Variants in LSAMP observed in about 807,000 individuals in gnomAD.
The protein encoded by LSAMP is limbic system-associated membrane protein.
In LSAMP, 7 loss-of-function variants were observed where a neutral mutation model predicts 38.6. The observed-to-expected ratio is 0.18, with a 90% confidence interval of 0.10 to 0.34. The LOEUF is 0.34. Among genes scored for constraint, LSAMP ranks in the 10% least tolerant of loss-of-function variants. The pLI, the probability that LSAMP is intolerant of heterozygous loss-of-function variation, is 1.00. For missense variants in LSAMP, 313 were observed against 420.0 expected (o/e 0.75, Z 2.23); for synonymous variants, 154 against 166.8 (o/e 0.92, Z 0.59).
chr3:115,845,451 C>T (rs146387511), intron 4 of LSAMP, among the ~76,000 whole-genome samples: 26 of 152,232 alleles, frequency 1.7e-4, no homozygotes, highest in African/African-American at 4.8e-5. Flanking sequence ...CTTTGGGACC[C>T]GGGGAAGGAA....
intron 2 of LSAMP, among the ~76,000 whole-genome samples, chr3:116,055,768 G>A (rs1174783912): frequency 6.6e-6 from 1 of 152,176 alleles, no homozygotes; most frequent in Non-Finnish European, 1.5e-5. Flanking sequence ...AATTCCATAT[G>A]CTTTCTTTGT....
At chr3:116,156,713 G>T (rs1399463323) in intron 1 of LSAMP, among the ~76,000 whole-genome samples, 1 of 152,026 alleles carries the variant, frequency 6.6e-6, no homozygotes, top group Non-Finnish European at 1.5e-5. Flanking sequence ...CAGAAGAGAG[G>T]ACCAGTATGA....
intron 1 of LSAMP, among the ~76,000 whole-genome samples, chr3:116,306,069 T>C (rs576006500): frequency 1.3e-5 from 2 of 152,092 alleles, no homozygotes; most frequent in Non-Finnish European, 2.9e-5. Flanking sequence ...ATTCAACAAA[T>C]ATTCATGAAA....
chr3:116,081,902 T>A (rs1707880516), intron 2 of LSAMP, among the ~76,000 whole-genome samples: 1 of 152,114 alleles, frequency 6.6e-6, no homozygotes, highest in Non-Finnish European at 1.5e-5. Flanking sequence ...AAAACAACAT[T>A]AGCCAAATAA....
In LSAMP at chr3:116,330,775, C is replaced by CA. The variant is rs1241562962; in HGVS notation, c.155+114101dup. 2.0e-5 allele frequency among the ~76,000 whole-genome samples: 3 copies of CA among 152,046 alleles called. No homozygotes were observed. In the East Asian group the frequency reaches 5.8e-4, roughly 29 times the overall value. On this transcript the variant is annotated intron_variant, in intron 1 of 6. Coordinates refer to ENST00000490035, the MANE Select transcript of LSAMP (RefSeq NM_002338.5). ...TAAACAATTTTTAAAAACCAATAAA[C>CA]AAAAACATCAAACTAAGTATGGGAA...
intron 6 of LSAMP, among the ~76,000 whole-genome samples, chr3:115,815,135 T>C (rs763471119): frequency 4.6e-5 from 7 of 152,170 alleles, no homozygotes; most frequent in Non-Finnish European, 1.0e-4. Context: ...TACAATAAGA[T>C]GTTCAGAGAG....
intron 3 of LSAMP, among the ~76,000 whole-genome samples, chr3:115,973,761 T>C (rs1464769551): frequency 6.6e-6 from 1 of 152,146 alleles, no homozygotes; most frequent in African/African-American, 2.4e-5. Flanking sequence ...TTATGTTTCA[T>C]ATACACCTTA....
chr3:115,831,785 CT>C (rs1934620949), intron 6 of LSAMP, among the ~76,000 whole-genome samples: 2 of 152,128 alleles, frequency 1.3e-5, no homozygotes, highest in South Asian at 4.1e-4. Context: ...AAGAAAACAC[CT>C]ATCAGAAACA....
intron 1 of LSAMP, among the ~76,000 whole-genome samples, chr3:116,276,928 G>A (rs576675450): frequency 6.6e-6 from 1 of 152,288 alleles, no homozygotes; most frequent in African/African-American, 2.4e-5. Context: ...CAGTATTGCA[G>A]TGCACTCACG....
chr3:116,112,649 A>G (rs1024158518), intron 1 of LSAMP, among the ~76,000 whole-genome samples: 11 of 152,186 alleles, frequency 7.2e-5, no homozygotes, highest in Admixed American at 1.3e-4. Flanking sequence ...GTGCAATTGG[A>G]AAGAGTGGAT....
At chr3:116,094,168 G>T (rs1708177284) in intron 1 of LSAMP, among the ~76,000 whole-genome samples, 1 of 152,144 alleles carries the variant, frequency 6.6e-6, no homozygotes, top group Admixed American at 6.6e-5. Flanking sequence ...TCATTTTGAA[G>T]CATCTTTGCT....
intron 1 of LSAMP, among the ~76,000 whole-genome samples, chr3:116,389,969 G>A (rs2107810982): frequency 6.6e-6 from 1 of 152,222 alleles, no homozygotes; most frequent in South Asian, 2.1e-4. Flanking sequence ...GTTAAACAAA[G>A]GGTGACAGTT....
intron 3 of LSAMP, among the ~76,000 whole-genome samples, chr3:115,923,873 A>G (rs1178608902): frequency 6.6e-6 from 1 of 152,198 alleles, no homozygotes; most frequent in Admixed American, 6.5e-5. Context: ...ATTAGCATTC[A>G]TATAACATTG....
intron 2 of LSAMP, among the ~76,000 whole-genome samples, chr3:116,057,932 T>TACACACACACACACACACAC (rs535645480): frequency 3.7e-5 from 5 of 136,654 alleles, no homozygotes; most frequent in South Asian, 2.3e-4. Context: ...ATATAGTAGC[T>TACACACACACACACACACAC]ACACACACAC....
At position 116,410,798 on chromosome 3, in the gene LSAMP, T is replaced by C. The variant is rs1051983805; in HGVS notation, c.155+34079A>G. On this transcript the variant is annotated intron_variant, in intron 1 of 6. Transcript: ENST00000490035. ...AGAGATGGAATTTTTCAGCTGTCCT[T>C]TCTCTGGTCTAACTTGTACCTCCAA... Among the ~76,000 whole-genome samples, 2 of 152,202 alleles carry C rather than the reference T, an allele frequency of 1.3e-5. 1 individual carries two copies. The highest frequency in any genetic ancestry group is 1.3e-4 in the Admixed American group (2 of 15,284).
chr3:116,427,497 A>G (rs914417269), intron 1 of LSAMP, among the ~76,000 whole-genome samples: 1 of 152,220 alleles, frequency 6.6e-6, no homozygotes, highest in African/African-American at 2.4e-5. Flanking sequence ...CATCAGAGCT[A>G]CAATTAGAAA....
At chr3:116,441,107 A>C (rs2049428652) in intron 1 of LSAMP, among the ~76,000 whole-genome samples, 2 of 152,200 alleles carry the variant, frequency 1.3e-5, no homozygotes. Flanking sequence ...AAAACTAAAC[A>C]TTAGCTATTC....
At chr3:115,899,773 G>A (rs910504821) in intron 3 of LSAMP, among the ~76,000 whole-genome samples, 2 of 152,092 alleles carry the variant, frequency 1.3e-5, no homozygotes, top group Non-Finnish European at 2.9e-5. Context: ...CCTGAGAAGG[G>A]GACATGGCAT....
chr3:116,090,863 C>G (rs1255058966), intron 1 of LSAMP, among the ~76,000 whole-genome samples: 2 of 152,086 alleles, frequency 1.3e-5, no homozygotes, highest in African/African-American at 4.8e-5. Context: ...CAAGTGGAGG[C>G]AGGGCGAGAT....
Sources: gnomAD v4.1 joint callset for allele counts (sites outside exome capture counted in the v4.1 genomes callset) on GRCh38, gnomAD v4.1.1 for gene constraint, MANE v1.5 for transcripts, NCBI Gene and HGNC (gene_info 2026-07-23, HGNC 2026-07-21) for gene names.